Variants in DOCK10 observed in about 807,000 individuals in gnomAD.
DOCK10 encodes dedicator of cytokinesis 10.
Under a neutral mutation model 280.1 loss-of-function variants are expected in DOCK10, and 145 were observed. The ratio of observed to expected loss-of-function variants is 0.52; its 90% CI spans 0.45 to 0.59. DOCK10 has a LOEUF of 0.59. DOCK10 is among the 20% of genes least tolerant of loss of function. The pLI is 0.00. For missense variants in DOCK10, 2,368 were observed against 2,651.7 expected (o/e 0.89, Z 2.35); for synonymous variants, 915 against 942.2 (o/e 0.97, Z 0.53).
At chr2:224,896,057 T>C (rs142497446) in intron 4 of DOCK10, among the ~76,000 whole-genome samples, 1 of 152,118 alleles carries the variant, frequency 6.6e-6, no homozygotes, top group African/African-American at 2.4e-5. Flanking sequence ...TAAATGAACG[T>C]CAAAACTACA....
chr2:224,875,715 A>C (rs1310059237), intron 8 of DOCK10, among the ~76,000 whole-genome samples: 3 of 152,204 alleles, frequency 2.0e-5, no homozygotes, highest in East Asian at 1.9e-4. Flanking sequence ...ATTTAATGAA[A>C]GGCTAAAATA....
rs1697741732 is a variant in DOCK10, at chr2:224,864,568, G to T, written c.1587C>A (p.Asn529Lys). 5.0e-6 allele frequency: 8 copies of T among 1,601,334 alleles called. No homozygotes were observed. The highest frequency in any genetic ancestry group is 5.9e-6 in the Non-Finnish European group (7 of 1,176,682). The stretch of plus-strand genomic sequence containing the variant: ...TATACATTACCTTGTTGGAGTCTGG[G>T]TTCTTAATATAAGGTTCGGCACCAC... ...IASGAEPYIK[N>K]PDSNKYAQKI... Residue 529 changes from asparagine (N) to lysine (K), a missense_variant, in exon 13 of 56, where the codon AAC becomes AAA. Transcript: ENST00000258390.
At chr2:224,778,364 A>G in intron 50 of DOCK10, 80 bp from the exon 51 acceptor site, 1 of 1,389,876 alleles carries the variant, frequency 7.2e-7, no homozygotes. Context: ...CCATTTACTT[A>G]AAAAACATAT....
chr2:224,819,434 C>T lies in DOCK10; in HGVS notation c.3267+12G>A, dbSNP rs754648977. The stretch of plus-strand genomic sequence containing the variant: ...AGTTTAGAAAACAATCACTCCTGTA[C>T]GTGGTTCTTACCTTAAGGTCACCGG... On this transcript the variant is annotated intron_variant, in intron 29 of 55. Transcript: ENST00000258390. 1.3e-5 allele frequency: 20 copies of T among 1,561,350 alleles called. No individual in the cohort carries two copies. Among genetic ancestry groups the T allele is most frequent in the East Asian group, 2.3e-5 (1 of 44,140 alleles).
chr2:224,824,478 C>G (rs1226432774), intron 27 of DOCK10, among the ~76,000 whole-genome samples: 3 of 132,196 alleles, frequency 2.3e-5, no homozygotes, highest in Non-Finnish European at 4.7e-5. Flanking sequence ...TCTGTGTCAC[C>G]CAGATTGGAG....
At chr2:224,953,160 A>G (rs963799778) in intron 1 of DOCK10, among the ~76,000 whole-genome samples, 1 of 152,202 alleles carries the variant, frequency 6.6e-6, no homozygotes, top group Non-Finnish European at 1.5e-5. Context: ...GGCACCTCCT[A>G]TTCATTTCTT....
At chr2:224,827,262 CAAAAA>C (rs111476278) in intron 27 of DOCK10, among the ~76,000 whole-genome samples, 1 of 110,050 alleles carries the variant, frequency 9.1e-6, no homozygotes. Flanking sequence ...AACTCCGTCT[CAAAAA>C]AAAAAAAAAA....
intron 3 of DOCK10, among the ~76,000 whole-genome samples, chr2:224,909,871 GGGA>G (rs1020623741): frequency 1.3e-4 from 17 of 129,554 alleles, no homozygotes; most frequent in African/African-American, 4.4e-4. Flanking sequence ...TTAAGAGATA[GGGA>G]GGAGAATTAA....
At chr2:224,951,267 C>G (rs770097192) in intron 1 of DOCK10, among the ~76,000 whole-genome samples, 39 of 152,050 alleles carry the variant, frequency 2.6e-4, no homozygotes, top group Non-Finnish European at 5.0e-4. Context: ...TGTATAATGG[C>G]TAAGATTCCT....
At chr2:224,914,545 G>A (rs1413339908) in intron 3 of DOCK10, among the ~76,000 whole-genome samples, 1 of 152,152 alleles carries the variant, frequency 6.6e-6, no homozygotes. Context: ...AAAAGCTGTT[G>A]TATTAATAGG....
At chr2:224,886,934 T>C (rs1163749897) in intron 4 of DOCK10, among the ~76,000 whole-genome samples, 1 of 150,024 alleles carries the variant, frequency 6.7e-6, no homozygotes, top group African/African-American at 2.5e-5. Context: ...CCACCATTTT[T>C]GTATTTTTTG....
chr2:224,808,030 T>C lies in DOCK10; in HGVS notation c.3466A>G (p.Ile1156Val). The C allele has an allele frequency of 6.2e-7, 1 of 1,612,862 alleles. No individual in the cohort carries two copies. The highest frequency in any genetic ancestry group is 1.1e-5 in the South Asian group (1 of 90,894). ...GCAAAGCCAACTTCTCGGAGCAGAA[T>C]TCCGATTAAGAAGTGTTTGCGACAA... Reference protein sequence around the residue: ...EFCRKHFLIGILLREVGFALQ... With the variant: ...EFCRKHFLIGVLLREVGFALQ... The change falls in exon 32 of 56, where the codon ATT becomes GTT. Residue 1156 changes from isoleucine to valine, a missense_variant. Around this residue, in one of 2 missense-constraint regions of DOCK10, gnomAD observed 1,159 missense variants for 1,400.8 expected, o/e 0.83. Coordinates refer to ENST00000258390, the MANE Select transcript of DOCK10 (RefSeq NM_014689.3).
intron 1 of DOCK10, among the ~76,000 whole-genome samples, chr2:224,997,943 G>A (rs552044697): frequency 1.7e-4 from 26 of 152,226 alleles, no homozygotes; most frequent in African/African-American, 6.0e-4. Flanking sequence ...GCAGGGTGTG[G>A]GCGTGTAGGC....
chr2:224,875,937 G>T (rs1698599996), intron 8 of DOCK10, 101 bp downstream of exon 8: 2 of 1,192,418 alleles, frequency 1.7e-6, no homozygotes, highest in African/African-American at 3.1e-5. Context: ...CAGGATGGAT[G>T]AGCTAGACCA....
chr2:225,009,779 T>C (rs1414087884), intron 1 of DOCK10, among the ~76,000 whole-genome samples: 2 of 152,256 alleles, frequency 1.3e-5, no homozygotes, highest in Non-Finnish European at 2.9e-5. Context: ...ATGTTCATTT[T>C]GACTCAATAG....
At position 225,009,385 on chromosome 2, in the gene DOCK10, G is replaced by A. The variant is rs764512021; in HGVS notation, c.123+32867C>T. On this transcript the variant is annotated intron_variant, in intron 1 of 55. Transcript: ENST00000258390. ...TCTCTGAACATTAAAATACTCAGCC[G>A]AATTTCTAAATTAGTAAGACTTCAA... 1.1e-3 allele frequency among the ~76,000 whole-genome samples: 168 copies of A among 152,130 alleles called. 1 individual carries two copies. The highest frequency in any genetic ancestry group is 6.8e-3 in the Middle Eastern group (2 of 294).
At chr2:224,887,765 A>G (rs1699395450) in intron 4 of DOCK10, among the ~76,000 whole-genome samples, 1 of 152,226 alleles carries the variant, frequency 6.6e-6, no homozygotes, top group East Asian at 1.9e-4. Flanking sequence ...TAACATAACT[A>G]TCATCTCAAT....
chr2:224,911,774 C>T (rs1021352361), intron 3 of DOCK10, among the ~76,000 whole-genome samples: 2 of 152,092 alleles, frequency 1.3e-5, no homozygotes, highest in Non-Finnish European at 2.9e-5. Flanking sequence ...GCCGTATACA[C>T]CCCCAAAGAG....
At chr2:224,920,477 T>C (rs1316154235) in intron 2 of DOCK10, among the ~76,000 whole-genome samples, 1 of 152,062 alleles carries the variant, frequency 6.6e-6, no homozygotes, top group East Asian at 1.9e-4. Flanking sequence ...TATATTGAAG[T>C]TTTGGAGTAG....
Sources: allele counts gnomAD v4.1 joint callset (sites outside exome capture counted in the v4.1 genomes callset), GRCh38; gene constraint gnomAD v4.1.1; regional missense constraint gnomAD v4.1.1; transcripts MANE v1.5; gene names NCBI Gene and HGNC (gene_info 2026-07-23, HGNC 2026-07-21).